The following PHLDB3 variants were observed in gnomAD, a reference collection of about 807,000 sequenced individuals.
The protein encoded by PHLDB3 is pleckstrin homology-like domain family B member 3.
PHLDB3 carries 86 observed loss-of-function variants against 85.7 expected under a neutral mutation model. The ratio of observed to expected loss-of-function variants is 1.00; its 90% CI spans 0.84 to 1.20. The LOEUF (loss-of-function observed/expected upper bound fraction) is 1.20. Ranked by LOEUF, PHLDB3 falls within the 50% of genes most tolerant of loss-of-function variation. PHLDB3 has a pLI of 0.00. For missense variants in PHLDB3, 995 were observed against 873.0 expected, an observed-to-expected ratio of 1.14 and a Z score of -1.76; for synonymous variants, 376 against 349.8, an observed-to-expected ratio of 1.07 and a Z score of -0.83.
chr19:43,496,945 A>T (rs769239649), intron 6 of PHLDB3, 173 bp downstream of exon 6: 4 of 983,576 alleles, frequency 4.1e-6, no homozygotes, highest in Non-Finnish European at 5.3e-6. Flanking sequence ...TGCTCATGAA[A>T]TATTCAGGAC....
chr19:43,488,435 C>T (rs1353932765), intron 9 of PHLDB3, among the ~76,000 whole-genome samples: 1 of 151,790 alleles, frequency 6.6e-6, no homozygotes, highest in Non-Finnish European at 1.5e-5. Context: ...CCAGTCTGGG[C>T]GACAGAGTGA....
At chr19:43,500,690 G>A (rs1326277370) in intron 4 of PHLDB3, among the ~76,000 whole-genome samples, 3 of 152,152 alleles carry the variant, frequency 2.0e-5, no homozygotes, top group Non-Finnish European at 2.9e-5. Flanking sequence ...AGGTTGGAGT[G>A]CAATGTTATA....
At chr19:43,476,753 T>C (rs1036392720) in intron 15 of PHLDB3, among the ~76,000 whole-genome samples, 16 of 152,164 alleles carry the variant, frequency 1.1e-4, no homozygotes, top group Non-Finnish European at 2.1e-4. Context: ...ACCTAATTGC[T>C]AAAAAGCCAC....
intron 12 of PHLDB3, 139 bp from the exon 13 acceptor site, chr19:43,486,461 G>A: frequency 1.6e-6 from 2 of 1,249,328 alleles, no homozygotes; most frequent in South Asian, 2.9e-5. Flanking sequence ...AGGATGGGCT[G>A]GGGGCCTGGA....
chr19:43,479,626 AG>A, intron 13 of PHLDB3, 33 bp from the exon 14 acceptor site: 1 of 1,448,158 alleles, frequency 6.9e-7, no homozygotes, highest in Non-Finnish European at 9.4e-7. Context: ...AGCTGATGTA[AG>A]GGGCGGGGGA....
intron 9 of PHLDB3, among the ~76,000 whole-genome samples, chr19:43,491,823 T>A (rs1971320055): frequency 6.6e-6 from 1 of 151,528 alleles, no homozygotes; most frequent in Non-Finnish European, 1.5e-5. Flanking sequence ...TTTGTTGTAT[T>A]TTTAGTAGAG....
rs1292973032 is a variant in PHLDB3 at position 43,503,928 on chromosome 19, C to G, written c.191G>C (p.Ser64Thr). The G allele has an allele frequency of 4.3e-6, 7 of 1,613,930 alleles. No homozygotes were observed. The East Asian group carries it at 1.6e-4, about 36-fold the overall frequency. The change falls in exon 2 of 16, where the codon AGC becomes ACC. Residue 64 changes from serine to threonine, a missense_variant. By Grantham distance (58) the Ser-to-Thr change is moderately conservative. Coordinates refer to ENST00000292140, the MANE Select transcript of PHLDB3 (RefSeq NM_198850.4). ...CACCGCGTCGCGGCTGCTCTCAGTG[C>G]TGCTGCCTTCTCCCACTTCTTCTTC... ...AEEEEVGEGS[S>T]TESSRDAPEA...
Position 43,497,115 on chromosome 19 carries a change from C to T in PHLDB3, c.825+3G>A. 2 of 1,491,256 alleles carry T rather than the reference C, an allele frequency of 1.3e-6. No individual in the cohort carries two copies. Among genetic ancestry groups the T allele is most frequent in the Non-Finnish European group, 1.8e-6 (2 of 1,122,958 alleles). 92.4% of individuals were successfully genotyped at this position (1,491,256 alleles called of 1,614,324 possible). ...GGGGCAGCGCTGGTCAGGCATGACT[C>T]ACTCTGTGCTGCGCCATGCTGGCCT... On this transcript the variant is annotated splice_donor_region_variant and intron_variant, in intron 6 of 15. Coordinates refer to ENST00000292140, the MANE Select transcript of PHLDB3 (RefSeq NM_198850.4).
At chr19:43,492,656 C>T (rs1398616809) in intron 9 of PHLDB3, among the ~76,000 whole-genome samples, 1 of 149,386 alleles carries the variant, frequency 6.7e-6, no homozygotes, top group Non-Finnish European at 1.5e-5. Flanking sequence ...AAAAAAGAAC[C>T]TAAGTTCTGA....
In PHLDB3 at chr19:43,497,818, C is replaced by T. The variant is rs146405145; in HGVS notation, c.593G>A (p.Arg198His). ...TGAGTCGAGCTGTCCCTGGGCCTTG[C>T]GGAGTCTCTGGCGAAGACCCTCTAG... ...DRLEGLRQRL[R>H]KAQGQLDSQP... Residue 198 changes from arginine to histidine, a missense_variant, in exon 5 of 16, where the codon CGC becomes CAC. Physicochemically the swap from Arg to His is conservative, Grantham distance 29. Coordinates refer to ENST00000292140, the MANE Select transcript of PHLDB3 (RefSeq NM_198850.4). The T allele has an allele frequency of 9.6e-5, 150 of 1,565,162 alleles. No homozygotes were observed. In the African/African-American group the frequency reaches 9.9e-4, roughly 10 times the overall value.
chr19:43,476,993 T>C lies in PHLDB3; in HGVS notation c.1788+1054A>G, dbSNP rs551941746. 4.0e-5 allele frequency among the ~76,000 whole-genome samples: 6 copies of C among 150,470 alleles called. No individual in the cohort carries two copies. The East Asian group carries it at 9.7e-4, about 24-fold the overall frequency. ...AAAAATAAAAAAAAAAAAACAGAGA[T>C]GGGATCTTGCTATGTTGACCATGCT... On this transcript the variant is annotated intron_variant, in intron 15 of 15. Transcript: ENST00000292140.
At chr19:43,502,670 G>T (rs377575420) in intron 2 of PHLDB3, among the ~76,000 whole-genome samples, 1 of 141,944 alleles carries the variant, frequency 7.0e-6, no homozygotes, top group African/African-American at 2.7e-5. Flanking sequence ...TGCCCAGGCT[G>T]GTCTCAAACT....
At chr19:43,491,965 T>G (rs533784626) in intron 9 of PHLDB3, among the ~76,000 whole-genome samples, 57 of 146,124 alleles carry the variant, frequency 3.9e-4, no homozygotes, top group African/African-American at 8.1e-4. Context: ...TTTTGTTTTT[T>G]TTTTTTTTGA....
chr19:43,499,173 G>C (rs1002038367), intron 4 of PHLDB3, among the ~76,000 whole-genome samples: 2 of 152,068 alleles, frequency 1.3e-5, no homozygotes, highest in Non-Finnish European at 2.9e-5. Context: ...AGACAGAGAG[G>C]ATCAGGAAGC....
intron 15 of PHLDB3, 130 bp from the exon 16 acceptor site, chr19:43,475,674 C>T (rs1970913470): frequency 8.5e-7 from 1 of 1,175,058 alleles, no homozygotes; most frequent in African/African-American, 1.5e-5. Flanking sequence ...ATGTCAGTTT[C>T]CCTGTCTTCC....
Position 43,475,455 on chromosome 19 carries a change from C to G in PHLDB3, c.1878G>C (p.Trp626Cys). 1 of 1,614,002 alleles carries G rather than the reference C, an allele frequency of 6.2e-7. No individual in the cohort carries two copies. The highest frequency in any genetic ancestry group is 8.5e-7 in the Non-Finnish European group (1 of 1,179,886). The change falls in exon 16 of 16, where the codon TGG becomes TGC. Residue 626 changes from tryptophan to cysteine, a missense_variant. Trp to Cys is a radical substitution (Grantham distance 215, BLOSUM62 -2). Coordinates refer to ENST00000292140, the MANE Select transcript of PHLDB3 (RefSeq NM_198850.4). Reference sequence around the variant, plus strand: ...CAGCGGCGGTCACGATGACGTCCATCCAAATGCGCATGGCTTCGGGGCTCG... The same window carrying G: ...CAGCGGCGGTCACGATGACGTCCATGCAAATGCGCATGGCTTCGGGGCTCG... ...VAPSPEAMRI[W>C]MDVIVTAADE...
In PHLDB3 at chr19:43,494,624, C is replaced by T. The variant is rs139381881; in HGVS notation, c.1149+78G>A. ...AGTGGAAGTTCTGGAGACCCCAGTTCGGGGACTCTGCTGTTAGCCCCTCCC... is the reference window on the plus strand; with the variant it reads ...AGTGGAAGTTCTGGAGACCCCAGTTTGGGGACTCTGCTGTTAGCCCCTCCC... On this transcript the variant is annotated intron_variant, in intron 9 of 15. Transcript: ENST00000292140. 4.0e-4 allele frequency: 482 copies of T among 1,193,524 alleles called. 1 individual carries two copies. In the East Asian group the frequency reaches 9.1e-3, roughly 23 times the overall value. 73.9% of individuals were successfully genotyped at this position (1,193,524 alleles called of 1,614,324 possible).
intron 2 of PHLDB3, among the ~76,000 whole-genome samples, chr19:43,503,280 G>GTCTCTCTCTCTCTCTCTCTCTC (rs57901463): frequency 7.0e-6 from 1 of 141,890 alleles, no homozygotes; most frequent in Admixed American, 7.1e-5. Context: ...TGTCTATCTG[G>GTCTCTCTCTCTCTCTCTCTCTC]TCTCTCTCTC....
intron 14 of PHLDB3, among the ~76,000 whole-genome samples, 178 bp from the exon 15 acceptor site, chr19:43,478,310 T>C (rs1970969711): frequency 6.6e-6 from 1 of 151,992 alleles, no homozygotes; most frequent in Admixed American, 6.6e-5. Context: ...GATGGGAGAC[T>C]GGGCACAGAA....
Sources: gnomAD v4.1 joint callset for allele counts (sites outside exome capture counted in the v4.1 genomes callset) on GRCh38, gnomAD v4.1.1 for gene constraint, MANE v1.5 for transcripts, NCBI Gene and HGNC (gene_info 2026-07-23, HGNC 2026-07-21) for gene names.